FXYD6: variants seen among roughly 807,000 people sequenced by gnomAD.
FXYD6 encodes FXYD domain containing ion transport regulator 6.
A neutral mutation model predicts 16.7 loss-of-function variants in FXYD6; 7 were observed. The observed-to-expected ratio is 0.42, with a 90% CI of 0.24 to 0.79. The LOEUF (loss-of-function observed/expected upper bound fraction) is 0.79. FXYD6 is among the 30% of genes least tolerant of loss of function. FXYD6 has a pLI of 0.28. For synonymous variants in FXYD6, 49 were observed against 43.0 expected (o/e 1.14, Z -0.54); for missense variants, 111 against 116.2 (o/e 0.95, Z 0.21).
In FXYD6 at chr11:117,838,846, C is replaced by T. The variant is rs1391159044; in HGVS notation, c.*22-569G>A. ...AGAATTTAAATGCTACACAGGCACA[C>T]GATATTGTTACGCACAGTCAAAGCT... is the stretch of plus-strand genomic sequence containing the variant. On this transcript the variant is annotated intron_variant, in intron 7 of 7. Transcript: ENST00000526014. The T allele has an allele frequency of 2.5e-5, 4 of 160,458 alleles. No homozygotes were observed. In the East Asian group the frequency reaches 5.3e-4, roughly 21 times the overall value. 9.9% of individuals were successfully genotyped at this position (160,458 alleles called of 1,614,324 possible).
intron 1 of FXYD6, among the ~76,000 whole-genome samples, chr11:117,873,893 T>C (rs1158926306): frequency 1.3e-5 from 2 of 152,090 alleles, no homozygotes; most frequent in Non-Finnish European, 2.9e-5. Flanking sequence ...ACCCGCCCAC[T>C]AAGGGACCCT....
At chr11:117,861,859 T>C (rs765360524) in intron 1 of FXYD6, among the ~76,000 whole-genome samples, 63 of 152,340 alleles carry the variant, frequency 4.1e-4, no homozygotes, top group Middle Eastern at 3.4e-3. Context: ...CAGCTGACAC[T>C]GGCTCCCGGC....
At chr11:117,851,505 C>T (rs192812756) in intron 1 of FXYD6, among the ~76,000 whole-genome samples, 1 of 152,334 alleles carries the variant, frequency 6.6e-6, no homozygotes, top group African/African-American at 2.4e-5. Context: ...TGAAGATTCT[C>T]CCTGATTCCA....
chr11:117,847,783 G>A (rs1158527669), intron 1 of FXYD6, among the ~76,000 whole-genome samples: 1 of 152,102 alleles, frequency 6.6e-6, no homozygotes, highest in Non-Finnish European at 1.5e-5. Context: ...ATTTGGGTTG[G>A]TTCCAAGACT....
At chr11:117,863,431 T>C (rs1291229983) in intron 1 of FXYD6, among the ~76,000 whole-genome samples, 1 of 150,898 alleles carries the variant, frequency 6.6e-6, no homozygotes, top group Non-Finnish European at 1.5e-5. Flanking sequence ...TTCAACAAAT[T>C]AGGAATAGAA....
intron 1 of FXYD6, among the ~76,000 whole-genome samples, chr11:117,854,081 T>C (rs759761037): frequency 3.3e-5 from 5 of 152,224 alleles, no homozygotes; most frequent in African/African-American, 4.8e-5. Flanking sequence ...TTTCTCCAGT[T>C]TACTGCTGCT....
At chr11:117,861,557 G>A (rs768562575) in intron 1 of FXYD6, among the ~76,000 whole-genome samples, 1 of 152,226 alleles carries the variant, frequency 6.6e-6, no homozygotes, top group Non-Finnish European at 1.5e-5. Flanking sequence ...GCCTGTGGAC[G>A]GAGCTGAGTG....
chr11:117,870,260 C>T lies in FXYD6; in HGVS notation c.-6+6332G>A, dbSNP rs1161665375. Among the ~76,000 whole-genome samples the T allele has an allele frequency of 1.3e-5, 2 of 152,234 alleles. No individual in the cohort carries two copies. Among genetic ancestry groups the T allele is most frequent in the Non-Finnish European group, 2.9e-5 (2 of 68,036 alleles). On this transcript the variant is annotated intron_variant, in intron 1 of 7. Coordinates refer to ENST00000526014, the MANE Select transcript of FXYD6 (RefSeq NM_022003.4). This position sits in a 1 kb window ranked among gnomAD's most constrained non-coding sequence, Gnocchi z 4.2. ...GCCCCTCTGGTTCCCCAGGAGATCT[C>T]GGTCTGGCTCCAGAGAGTCTGAATG...
chr11:117,847,629 C>G (rs2056503863), intron 1 of FXYD6, among the ~76,000 whole-genome samples: 1 of 150,744 alleles, frequency 6.6e-6, no homozygotes, highest in Non-Finnish European at 1.5e-5. Flanking sequence ...TTTTTTTGTC[C>G]TTATGATAGT....
intron 7 of FXYD6, chr11:117,839,413 T>A: frequency 3.6e-6 from 1 of 280,230 alleles, no homozygotes; most frequent in Non-Finnish European, 6.7e-6. Context: ...CAAGTGGCCC[T>A]AAAGTACTTT....
In FXYD6 at chr11:117,875,893, G is replaced by T. The variant is rs543754695; in HGVS notation, c.-6+699C>A. Among the ~76,000 whole-genome samples, 7 of 152,296 alleles carry T rather than the reference G, an allele frequency of 4.6e-5. No homozygotes were observed. The South Asian group carries it at 1.5e-3, about 32-fold the overall frequency. On this transcript the variant is annotated intron_variant, in intron 1 of 7. Coordinates refer to ENST00000526014, the MANE Select transcript of FXYD6 (RefSeq NM_022003.4). Reference sequence around the variant, plus strand: ...CAGGCTGCACACCCAACTCTCCACGGAAGCCCGGGAGACACAATAGGGGAG... The same window carrying T: ...CAGGCTGCACACCCAACTCTCCACGTAAGCCCGGGAGACACAATAGGGGAG...
rs57385031 is a variant in FXYD6, at chr11:117,838,041, T to TCACA, written c.*254_*257dup. Reference sequence around the variant, plus strand: ...GACCACAGTTAGCAAACACACACAGTCACACACACACACACACACACACAC... The same window carrying TCACA: ...GACCACAGTTAGCAAACACACACAGTCACACACACACACACACACACACACACAC... On this transcript the variant is annotated 3_prime_UTR_variant, in exon 8 of 8. Coordinates refer to ENST00000526014, the MANE Select transcript of FXYD6 (RefSeq NM_022003.4). 426 of 591,036 alleles carry TCACA rather than the reference T, an allele frequency of 7.2e-4. No individual in the cohort carries two copies. The highest frequency in any genetic ancestry group is 2.6e-3 in the South Asian group (133 of 52,126). 36.6% of individuals were successfully genotyped at this position (591,036 alleles called of 1,614,324 possible).
chr11:117,848,537 T>A (rs1299300802), intron 1 of FXYD6, among the ~76,000 whole-genome samples: 1 of 152,190 alleles, frequency 6.6e-6, no homozygotes, highest in Non-Finnish European at 1.5e-5. Context: ...GGGATGGCAG[T>A]ACTGGCCTCA....
intron 1 of FXYD6, among the ~76,000 whole-genome samples, chr11:117,874,510 C>G (rs1193984039): frequency 6.6e-6 from 1 of 152,198 alleles, no homozygotes; most frequent in South Asian, 2.1e-4. Flanking sequence ...CCCTAACTTT[C>G]GCTTTCTTGA....
chr11:117,875,427 G>A (rs2057236411), intron 1 of FXYD6, among the ~76,000 whole-genome samples: 1 of 152,050 alleles, frequency 6.6e-6, no homozygotes, highest in South Asian at 2.1e-4. Flanking sequence ...CTGGGGGGAG[G>A]GGAGGAGATA....
intron 6 of FXYD6, 127 bp downstream of exon 6, chr11:117,840,192 C>A: frequency 8.0e-7 from 1 of 1,253,376 alleles, no homozygotes. Context: ...GCCCTGGAGA[C>A]CCACTCTCCT....
At chr11:117,874,166 G>C (rs777938030) in intron 1 of FXYD6, among the ~76,000 whole-genome samples, 4 of 152,132 alleles carry the variant, frequency 2.6e-5, no homozygotes, top group Non-Finnish European at 5.9e-5. Flanking sequence ...CTAGGATTCC[G>C]ATGTCAGGGA....
chr11:117,865,557 C>T (rs1278399300), intron 1 of FXYD6, among the ~76,000 whole-genome samples: 2 of 152,188 alleles, frequency 1.3e-5, no homozygotes, highest in East Asian at 1.9e-4. Context: ...AATTCCAACA[C>T]ATGCATGAAT....
intron 1 of FXYD6, among the ~76,000 whole-genome samples, chr11:117,854,340 C>A (rs921161516): frequency 6.6e-6 from 1 of 152,194 alleles, no homozygotes; most frequent in African/African-American, 2.4e-5. Context: ...GCTCTTCCTG[C>A]CCCCTGGGAA....
Sources: allele counts gnomAD v4.1 joint callset (sites outside exome capture counted in the v4.1 genomes callset), GRCh38; gene constraint gnomAD v4.1.1; non-coding constraint Gnocchi (gnomAD v3.1); transcripts MANE v1.5; gene names NCBI Gene and HGNC (gene_info 2026-07-23, HGNC 2026-07-21).